The following KCNJ16 variants were observed in gnomAD, a reference collection of about 807,000 sequenced individuals.
The protein encoded by KCNJ16 is inward rectifier potassium channel 16.
KCNJ16 carries 15 observed loss-of-function variants against 18.5 expected under a neutral mutation model. The observed-to-expected ratio is 0.81, with a 90% CI of 0.54 to 1.25. The LOEUF (loss-of-function observed/expected upper bound fraction) is 1.25. Ranked by LOEUF, KCNJ16 falls within the 50% of genes most tolerant of loss-of-function variation. KCNJ16 has a pLI of 0.00. For missense variants in KCNJ16, 523 were observed against 525.7 expected (o/e 0.99, Z 0.05); for synonymous variants, 174 against 186.5 (o/e 0.93, Z 0.55).
chr17:70,132,135 A>C lies in KCNJ16; in HGVS notation c.48A>C (p.Lys16Asn). The change falls in exon 4 of 4, where the codon AAA becomes AAC. Residue 16 changes from lysine to asparagine, a missense_variant. Transcript: ENST00000392671. ...SSYHIINADA[K>N]YPGYPPEHII... ...ATCATATTATCAATGCGGACGCAAA[A>C]TACCCAGGCTACCCGCCAGAGCACA... 1 of 1,614,224 alleles carries C rather than the reference A, an allele frequency of 6.2e-7. No individual in the cohort carries two copies. The highest frequency in any genetic ancestry group is 8.5e-7 in the Non-Finnish European group (1 of 1,180,032).
At position 70,123,359 on chromosome 17, in the gene KCNJ16, C is replaced by A. The variant is rs77410189; in HGVS notation, c.-190-7520C>A. Among the ~76,000 whole-genome samples the A allele has an allele frequency of 8.8e-4, 134 of 152,336 alleles. 2 individuals carry two copies. In the East Asian group the frequency reaches 0.023, roughly 26 times the overall value. On this transcript the variant is annotated intron_variant, in intron 2 of 3. Coordinates refer to ENST00000392671, the MANE Select transcript of KCNJ16 (RefSeq NM_170741.4). ...AGAGGCAAGAAACCTTTGCATGAGTCATGCAGCCTTTGCAAATATTGTTTT... is the reference window on the plus strand; with the variant it reads ...AGAGGCAAGAAACCTTTGCATGAGTAATGCAGCCTTTGCAAATATTGTTTT...
intron 2 of KCNJ16, among the ~76,000 whole-genome samples, chr17:70,106,370 G>A (rs1179542771): frequency 6.6e-6 from 1 of 152,062 alleles, no homozygotes; most frequent in Non-Finnish European, 1.5e-5. Flanking sequence ...CTATATCTTA[G>A]ATATTATTTA....
chr17:70,106,475 TAGAG>T (rs1022444385), intron 2 of KCNJ16, among the ~76,000 whole-genome samples: 4 of 151,954 alleles, frequency 2.6e-5, no homozygotes, highest in Non-Finnish European at 4.4e-5. Context: ...GAGAAACTGA[TAGAG>T]AGAGTGATAG....
Position 70,107,497 on chromosome 17 carries a change from G to A in KCNJ16, c.-191+6731G>A, listed in dbSNP as rs76345454. 6.7e-4 allele frequency among the ~76,000 whole-genome samples: 101 copies of A among 151,708 alleles called. 1 individual carries two copies. The East Asian group carries it at 0.019, about 28-fold the overall frequency. ...TGAGTTGTATTTTTTTTTCATTGTT[G>A]CTTAGAAGATCCTTGATCCAGTCTG... On this transcript the variant is annotated intron_variant, in intron 2 of 3. Coordinates refer to ENST00000392671, the MANE Select transcript of KCNJ16 (RefSeq NM_170741.4).
intron 1 of KCNJ16, among the ~76,000 whole-genome samples, chr17:70,089,817 ACT>A (rs1263009594): frequency 2.0e-5 from 3 of 152,260 alleles, no homozygotes; most frequent in African/African-American, 7.2e-5. Context: ...CCTCTGACTA[ACT>A]CTGTTTAGAA....
chr17:70,098,042 A>T (rs1378147592), intron 1 of KCNJ16, among the ~76,000 whole-genome samples: 1 of 152,174 alleles, frequency 6.6e-6, no homozygotes, highest in East Asian at 1.9e-4. Context: ...GAATAATACA[A>T]ATTCTTTAAC....
chr17:70,103,319 T>TAC (rs1199138346), intron 2 of KCNJ16, among the ~76,000 whole-genome samples: 6 of 20,738 alleles, frequency 2.9e-4, no homozygotes, highest in African/African-American at 7.0e-4. Flanking sequence ...TATATATATA[T>TAC]ATACACACAC....
At chr17:70,084,244 AG>A (rs1446551658) in intron 1 of KCNJ16, among the ~76,000 whole-genome samples, 1 of 152,220 alleles carries the variant, frequency 6.6e-6, no homozygotes. Context: ...TGGAATTCTG[AG>A]ACACGTAGTC....
At chr17:70,128,863 T>G (rs2073955924) in intron 2 of KCNJ16, 1 of 152,294 alleles carries the variant, frequency 6.6e-6, no homozygotes, top group Non-Finnish European at 1.5e-5. Context: ...GGCTGAGGTC[T>G]ACAATGGCGT....
intron 2 of KCNJ16, among the ~76,000 whole-genome samples, chr17:70,129,878 A>G (rs1215025958): frequency 2.0e-5 from 3 of 151,958 alleles, no homozygotes; most frequent in Admixed American, 2.0e-4. Context: ...TGCCAACTGA[A>G]TGCCATTTCA....
At chr17:70,109,893 G>A (rs2073107786) in intron 2 of KCNJ16, among the ~76,000 whole-genome samples, 1 of 152,162 alleles carries the variant, frequency 6.6e-6, no homozygotes, top group Admixed American at 6.5e-5. Context: ...GCATGGAGCT[G>A]TGAAAGCTGT....
At chr17:70,122,218 G>A (rs951917498) in intron 2 of KCNJ16, among the ~76,000 whole-genome samples, 1 of 151,732 alleles carries the variant, frequency 6.6e-6, no homozygotes, top group Admixed American at 6.6e-5. Flanking sequence ...TGTTACCCAG[G>A]CTGGAGTGCA....
intron 2 of KCNJ16, among the ~76,000 whole-genome samples, chr17:70,126,295 T>A (rs927277784): frequency 1.3e-5 from 2 of 152,188 alleles, no homozygotes; most frequent in African/African-American, 4.8e-5. Context: ...ATTAACTTAT[T>A]CTCTTAACTG....
intron 1 of KCNJ16, among the ~76,000 whole-genome samples, chr17:70,093,541 T>A (rs980867871): frequency 1.3e-5 from 2 of 152,174 alleles, no homozygotes; most frequent in African/African-American, 4.8e-5. Flanking sequence ...TCAGGTCTCA[T>A]TTGCAGGTAC....
chr17:70,106,306 C>T (rs1465334863), intron 2 of KCNJ16, among the ~76,000 whole-genome samples: 2 of 152,146 alleles, frequency 1.3e-5, no homozygotes, highest in African/African-American at 4.8e-5. Flanking sequence ...GTGTGACCTT[C>T]CCCCAAATTA....
intron 1 of KCNJ16, among the ~76,000 whole-genome samples, chr17:70,079,753 A>G (rs2071472833): frequency 6.6e-6 from 1 of 152,164 alleles, no homozygotes; most frequent in African/African-American, 2.4e-5. Context: ...CCTAGGCTAG[A>G]GGGCAGTGGC....
At chr17:70,118,939 C>T (rs1354029110) in intron 2 of KCNJ16, among the ~76,000 whole-genome samples, 1 of 152,164 alleles carries the variant, frequency 6.6e-6, no homozygotes, top group East Asian at 1.9e-4. Flanking sequence ...TTATCTGAGA[C>T]AAGGCAAATC....
At chr17:70,131,656 G>A (rs763591144) in intron 3 of KCNJ16, among the ~76,000 whole-genome samples, 1 of 152,148 alleles carries the variant, frequency 6.6e-6, no homozygotes. Flanking sequence ...CAATTACTTT[G>A]TTTTCTAAAT....
At chr17:70,103,694 C>T (rs923889490) in intron 2 of KCNJ16, among the ~76,000 whole-genome samples, 1 of 152,044 alleles carries the variant, frequency 6.6e-6, no homozygotes, top group African/African-American at 2.4e-5. Context: ...ACTCTATGTA[C>T]ACTGATAACT....
Sources: allele counts gnomAD v4.1 joint callset (sites outside exome capture counted in the v4.1 genomes callset), GRCh38; gene constraint gnomAD v4.1.1; transcripts MANE v1.5; gene names NCBI Gene and HGNC (gene_info 2026-07-23, HGNC 2026-07-21).